STAU2: variants seen among roughly 807,000 people sequenced by gnomAD.
The protein encoded by STAU2 is staufen double-stranded RNA binding protein 2.
A neutral mutation model predicts 65.9 loss-of-function variants in STAU2; 20 were observed. The ratio of observed to expected loss-of-function variants is 0.30; its 90% confidence interval spans 0.21 to 0.44. The LOEUF (loss-of-function observed/expected upper bound fraction) is 0.44, where lower values mean the gene tolerates loss of function less well. Among genes scored for constraint, STAU2 ranks in the 20% least tolerant of loss-of-function variants. The pLI is 1.00. For synonymous variants in STAU2, 232 were observed against 233.9 expected (o/e 0.99, Z 0.07); for missense variants, 558 against 683.9 (o/e 0.82, Z 2.05).
intron 6 of STAU2, among the ~76,000 whole-genome samples, chr8:73,668,273 T>C (rs1817382851): frequency 6.6e-6 from 1 of 151,692 alleles, no homozygotes. Flanking sequence ...AAGAGAGAAA[T>C]AGAAAATGAG....
chr8:73,503,250 A>G (rs1821863531), intron 13 of STAU2, among the ~76,000 whole-genome samples: 1 of 152,112 alleles, frequency 6.6e-6, no homozygotes. Context: ...TACATAGTAC[A>G]TCGAAGTGCT....
At chr8:73,533,794 T>C (rs1283517624) in intron 13 of STAU2, among the ~76,000 whole-genome samples, 3 of 152,226 alleles carry the variant, frequency 2.0e-5, no homozygotes, top group African/African-American at 7.2e-5. Flanking sequence ...GTGAATTTTT[T>C]TCATGCTGTT....
At chr8:73,568,274 T>C (rs1410032379) in intron 12 of STAU2, among the ~76,000 whole-genome samples, 1 of 152,208 alleles carries the variant, frequency 6.6e-6, no homozygotes, top group Non-Finnish European at 1.5e-5. Flanking sequence ...AAAACACACA[T>C]TACTTTAAAC....
At chr8:73,593,978 T>C (rs569879830) in intron 11 of STAU2, among the ~76,000 whole-genome samples, 1 of 152,302 alleles carries the variant, frequency 6.6e-6, no homozygotes, top group South Asian at 2.1e-4. Flanking sequence ...TTCAAATTAA[T>C]GAAATTAATT....
At chr8:73,577,881 T>C (rs1809694745) in intron 12 of STAU2, among the ~76,000 whole-genome samples, 1 of 152,344 alleles carries the variant, frequency 6.6e-6, no homozygotes, top group East Asian at 1.9e-4. Context: ...CTTTGGCCAT[T>C]GGGGTGTTTG....
intron 13 of STAU2, among the ~76,000 whole-genome samples, chr8:73,503,559 G>A (rs1032016913): frequency 1.6e-5 from 2 of 126,446 alleles, no homozygotes; most frequent in Admixed American, 1.7e-4. Context: ...AAATCCAACA[G>A]CACTTTTTTT....
At chr8:73,587,159 A>G (rs73328773) in intron 11 of STAU2, among the ~76,000 whole-genome samples, 34 of 152,334 alleles carry the variant, frequency 2.2e-4, no homozygotes, top group African/African-American at 6.0e-4. Flanking sequence ...GCTGGGAGGT[A>G]CAAGACAAGG....
At chr8:73,517,173 T>C (rs1041323058) in intron 13 of STAU2, among the ~76,000 whole-genome samples, 3 of 152,016 alleles carry the variant, frequency 2.0e-5, no homozygotes, top group African/African-American at 7.2e-5. Flanking sequence ...TCTCATCACT[T>C]TGGGAGCCTG....
intron 6 of STAU2, chr8:73,669,226 T>C: frequency 1.6e-6 from 1 of 617,600 alleles, no homozygotes. Context: ...CTTGGTAGCT[T>C]ACTAGTACTT....
At chr8:73,650,778 A>T (rs1815799478) in intron 6 of STAU2, among the ~76,000 whole-genome samples, 1 of 152,212 alleles carries the variant, frequency 6.6e-6, no homozygotes, top group Admixed American at 6.5e-5. Context: ...AAATTAGTGA[A>T]CAGAAGTTCT....
intron 6 of STAU2, among the ~76,000 whole-genome samples, chr8:73,650,529 A>G (rs1180676153): frequency 2.6e-5 from 4 of 152,196 alleles, no homozygotes; most frequent in Non-Finnish European, 2.9e-5. Flanking sequence ...TCACTCATCT[A>G]TATCAAACCA....
chr8:73,501,714 G>A (rs964472770), intron 13 of STAU2, among the ~76,000 whole-genome samples: 1 of 151,926 alleles, frequency 6.6e-6, no homozygotes, highest in African/African-American at 2.4e-5. Flanking sequence ...TGGCCTTAAT[G>A]GGAAAAGAAA....
At chr8:73,719,164 G>C (rs538645304) in intron 3 of STAU2, among the ~76,000 whole-genome samples, 3 of 152,278 alleles carry the variant, frequency 2.0e-5, no homozygotes, top group South Asian at 4.1e-4. Flanking sequence ...AGCACTTTGG[G>C]AGGCCGAGGC....
intron 13 of STAU2, among the ~76,000 whole-genome samples, chr8:73,456,448 C>G (rs1423541382): frequency 2.6e-5 from 4 of 152,108 alleles, no homozygotes; most frequent in Admixed American, 6.5e-5. Context: ...TTGAACACCT[C>G]CTAAGTGTAC....
At chr8:73,684,290 C>T (rs960650130) in intron 5 of STAU2, among the ~76,000 whole-genome samples, 6 of 151,984 alleles carry the variant, frequency 3.9e-5, no homozygotes, top group African/African-American at 1.2e-4. Context: ...AATAGAGAAC[C>T]CAGAAATAAA....
At chr8:73,459,559 C>G (rs1053240925) in intron 13 of STAU2, among the ~76,000 whole-genome samples, 10 of 152,122 alleles carry the variant, frequency 6.6e-5, no homozygotes, top group African/African-American at 2.4e-4. Flanking sequence ...GAAGGGGGGC[C>G]TCCTGTGTGA....
chr8:73,609,568 C>T (rs377118126), intron 9 of STAU2, among the ~76,000 whole-genome samples: 11 of 151,890 alleles, frequency 7.2e-5, no homozygotes, highest in African/African-American at 2.7e-4. Flanking sequence ...GCAGGAGAAT[C>T]GATTGAACCC....
chr8:73,700,643 A>G (rs1196968021), intron 4 of STAU2, among the ~76,000 whole-genome samples: 1 of 152,134 alleles, frequency 6.6e-6, no homozygotes, highest in Non-Finnish European at 1.5e-5. Flanking sequence ...AATGAAAACT[A>G]TAAAACACTG....
chr8:73,494,999 C>T (rs146342807), intron 13 of STAU2, among the ~76,000 whole-genome samples: 3 of 151,566 alleles, frequency 2.0e-5, no homozygotes, highest in African/African-American at 7.3e-5. Flanking sequence ...AGCACATATT[C>T]TCCGGCTTCT....
Sources: gnomAD v4.1 joint callset for allele counts (sites outside exome capture counted in the v4.1 genomes callset) on GRCh38, gnomAD v4.1.1 for gene constraint, MANE v1.5 for transcripts, NCBI Gene and HGNC (gene_info 2026-07-23, HGNC 2026-07-21) for gene names.